Variants in PDSS2 observed in about 807,000 individuals in gnomAD.
PDSS2 encodes decaprenyl diphosphate synthase subunit 2.
Under a neutral mutation model 44.5 loss-of-function variants are expected in PDSS2, and 31 were observed. That is an observed-to-expected ratio of 0.70 (90% CI 0.52 to 0.94). The LOEUF is 0.94. Among genes scored for constraint, PDSS2 ranks in the 40% least tolerant of loss-of-function variants. The pLI is 0.00. For missense variants in PDSS2, 452 were observed against 482.2 expected, an observed-to-expected ratio of 0.94 and a Z score of 0.59; for synonymous variants, 157 against 180.3, an observed-to-expected ratio of 0.87 and a Z score of 1.03.
chr6:107,211,467 C>T (rs1002298574), intron 5 of PDSS2, among the ~76,000 whole-genome samples: 10 of 151,350 alleles, frequency 6.6e-5, no homozygotes, highest in African/African-American at 1.7e-4. Context: ...CGTGGTGGCT[C>T]ACACCTGTAA....
intron 2 of PDSS2, among the ~76,000 whole-genome samples, chr6:107,274,762 T>A (rs1402464145): frequency 1.4e-5 from 2 of 139,450 alleles, no homozygotes; most frequent in African/African-American, 5.3e-5. Flanking sequence ...AACCTCCACC[T>A]CCCAGGCTCA....
At chr6:107,183,809 T>G (rs1292004135) in intron 7 of PDSS2, among the ~76,000 whole-genome samples, 2 of 151,916 alleles carry the variant, frequency 1.3e-5, no homozygotes, top group South Asian at 4.1e-4. Flanking sequence ...GCAGGAGAAT[T>G]GCTTGAACCC....
chr6:107,450,090 T>C (rs1781818075), intron 1 of PDSS2, among the ~76,000 whole-genome samples: 1 of 152,210 alleles, frequency 6.6e-6, no homozygotes, highest in Admixed American at 6.5e-5. Flanking sequence ...ATGGTAATTC[T>C]ATTTTTAATT....
At chr6:107,185,428 G>T (rs1010614468) in intron 7 of PDSS2, among the ~76,000 whole-genome samples, 1 of 152,072 alleles carries the variant, frequency 6.6e-6, no homozygotes, top group Admixed American at 6.6e-5. Context: ...TCTCTGTGAC[G>T]GAGATATTTA....
At chr6:107,417,778 T>TAC (rs59602150) in intron 1 of PDSS2, among the ~76,000 whole-genome samples, 1,560 of 147,036 alleles carry the variant, frequency 0.011, 18 homozygotes, top group African/African-American at 0.026. Context: ...TTAATAATAA[T>TAC]ACACACACAC....
At chr6:107,435,140 G>A (rs1233965082) in intron 1 of PDSS2, among the ~76,000 whole-genome samples, 6 of 152,112 alleles carry the variant, frequency 3.9e-5, no homozygotes, top group African/African-American at 1.4e-4. Context: ...TTAGCCCAGT[G>A]TGGTGTTACA....
chr6:107,407,854 C>G (rs1458610266), intron 1 of PDSS2, among the ~76,000 whole-genome samples: 1 of 151,118 alleles, frequency 6.6e-6, no homozygotes, highest in African/African-American at 2.4e-5. Context: ...TGCCTGCCAC[C>G]ATGCATGGCT....
At chr6:107,430,398 G>A (rs1482404133) in intron 1 of PDSS2, among the ~76,000 whole-genome samples, 3 of 152,126 alleles carry the variant, frequency 2.0e-5, no homozygotes, top group African/African-American at 7.2e-5. Context: ...TACTCAGAAG[G>A]CTGAGGCACA....
chr6:107,428,151 T>C (rs1042663143), intron 1 of PDSS2, among the ~76,000 whole-genome samples: 2 of 152,232 alleles, frequency 1.3e-5, no homozygotes, highest in Non-Finnish European at 2.9e-5. Context: ...AGGAATTTTA[T>C]ATTGTCCTTC....
At chr6:107,277,217 C>T (rs897208658) in intron 2 of PDSS2, among the ~76,000 whole-genome samples, 1 of 152,056 alleles carries the variant, frequency 6.6e-6, no homozygotes, top group Non-Finnish European at 1.5e-5. Context: ...TAAATTTGAG[C>T]GGGGCCTGGA....
At chr6:107,201,571 G>A (rs140332887) in intron 6 of PDSS2, among the ~76,000 whole-genome samples, 35 of 152,134 alleles carry the variant, frequency 2.3e-4, no homozygotes, top group African/African-American at 7.2e-4. Context: ...TTATAAGTCA[G>A]GTAACAAAGA....
intron 2 of PDSS2, 47 bp from the exon 3 acceptor site, chr6:107,274,274 T>G: frequency 7.1e-7 from 1 of 1,399,262 alleles, no homozygotes; most frequent in Non-Finnish European, 1.0e-6. Context: ...AACACCATTT[T>G]ATCACTAATG....
intron 1 of PDSS2, among the ~76,000 whole-genome samples, chr6:107,366,992 T>C (rs1430399565): frequency 6.6e-6 from 1 of 152,054 alleles, no homozygotes; most frequent in Non-Finnish European, 1.5e-5. Flanking sequence ...AGGTCAGTAC[T>C]TACCCTAACA....
At chr6:107,446,400 G>A (rs1052833564) in intron 1 of PDSS2, among the ~76,000 whole-genome samples, 5 of 152,108 alleles carry the variant, frequency 3.3e-5, no homozygotes, top group Non-Finnish European at 7.3e-5. Flanking sequence ...TCACCCAATG[G>A]TGAAATCATG....
intron 2 of PDSS2, among the ~76,000 whole-genome samples, chr6:107,294,095 C>T (rs936561862): frequency 6.6e-6 from 1 of 152,128 alleles, no homozygotes; most frequent in African/African-American, 2.4e-5. Flanking sequence ...GCAAAGACCT[C>T]TCCAGCTAAA....
intron 7 of PDSS2, among the ~76,000 whole-genome samples, chr6:107,162,299 A>G (rs1262600503): frequency 6.6e-6 from 1 of 152,078 alleles, no homozygotes; most frequent in Non-Finnish European, 1.5e-5. Context: ...GAGTGAGACC[A>G]GCCTGGCCAA....
intron 1 of PDSS2, among the ~76,000 whole-genome samples, chr6:107,371,585 A>G (rs1779129669): frequency 1.3e-5 from 2 of 152,208 alleles, no homozygotes; most frequent in African/African-American, 4.8e-5. Context: ...GCTTCCTGGC[A>G]TGTTGAATTA....
intron 1 of PDSS2, among the ~76,000 whole-genome samples, chr6:107,403,208 G>C (rs1314494157): frequency 6.6e-6 from 1 of 152,174 alleles, no homozygotes; most frequent in African/African-American, 2.4e-5. Context: ...CCCCATGCAA[G>C]TCCGAAATCC....
chr6:107,388,117 T>A (rs1018829299), intron 1 of PDSS2, among the ~76,000 whole-genome samples: 1 of 152,086 alleles, frequency 6.6e-6, no homozygotes, highest in Non-Finnish European at 1.5e-5. Flanking sequence ...AGACTCAATT[T>A]CCTCACCCCG....
Sources: gnomAD v4.1 joint callset for allele counts (sites outside exome capture counted in the v4.1 genomes callset) on GRCh38, gnomAD v4.1.1 for gene constraint, MANE v1.5 for transcripts, NCBI Gene and HGNC (gene_info 2026-07-23, HGNC 2026-07-21) for gene names.